The following RIMS3 variants were observed in gnomAD, a reference collection of about 807,000 sequenced individuals.
RIMS3 encodes the protein regulating synaptic membrane exocytosis 3.
RIMS3 carries 15 observed loss-of-function variants against 29.2 expected under a neutral mutation model. The ratio of observed to expected loss-of-function variants is 0.51; its 90% CI spans 0.34 to 0.79. RIMS3 has a LOEUF of 0.79. Among genes scored for constraint, RIMS3 ranks in the 30% least tolerant of loss-of-function variants. RIMS3 has a pLI of 0.01. For synonymous variants in RIMS3, 161 were observed against 170.1 expected, an observed-to-expected ratio of 0.95 and a Z score of 0.41; for missense variants, 342 against 421.4, an observed-to-expected ratio of 0.81 and a Z score of 1.65.
At chr1:40,685,312 AT>A in the RIMS3 span, among the ~76,000 whole-genome samples, 6 of 17,852 alleles carry the variant, frequency 3.4e-4, no homozygotes, top group Non-Finnish European at 7.3e-4. Context: ...ATATTAATAT[AT>A]ATAATTATTA....
At chr1:40,631,276 G>A (rs1269228976) in intron 5 of RIMS3, among the ~76,000 whole-genome samples, 3 of 152,178 alleles carry the variant, frequency 2.0e-5, no homozygotes, top group Admixed American at 6.5e-5. Flanking sequence ...CTCATGAAAT[G>A]GGCCAGACTG....
At chr1:40,668,989 G>A (rs1392761067), upstream of RIMS3, 1 of 152,244 alleles carries the variant, frequency 6.6e-6, no homozygotes, top group African/African-American at 2.4e-5. Context: ...GAAACCCCAG[G>A]CGGGCCATCT....
chr1:40,632,089 G>T (rs1210941788), intron 5 of RIMS3, among the ~76,000 whole-genome samples: 1 of 151,942 alleles, frequency 6.6e-6, no homozygotes, highest in Non-Finnish European at 1.5e-5. Context: ...TCACTATATT[G>T]CCTAGGCTGG....
chr1:40,688,022 T>C, the RIMS3 span, among the ~76,000 whole-genome samples: 1 of 152,152 alleles, frequency 6.6e-6, no homozygotes, highest in African/African-American at 2.4e-5. Context: ...TAGAGTGCAA[T>C]GGTGCGATCT....
rs1570169815 is a variant in RIMS3, at chr1:40,628,945, G to A, written c.579C>T (p.Thr193=). Residue 193 remains threonine, a synonymous_variant, in exon 7 of 8, where the codon ACC becomes ACT. Coordinates refer to ENST00000372684, the MANE Select transcript of RIMS3 (RefSeq NM_014747.3). The part of the protein sequence containing the change: ...PKPGSKSLPA[T]YIKVYLLENG... ...TCTCCAGCAGGTAAACCTTGATATA[G>A]GTGGCTAAGGGAGGAGAGAATGTAT... 6.2e-7 allele frequency: 1 copy of A among 1,613,110 alleles called. No individual in the cohort carries two copies. Among genetic ancestry groups the A allele is most frequent in the Non-Finnish European group, 8.5e-7 (1 of 1,180,000 alleles).
the RIMS3 span, chr1:40,691,376 C>G: frequency 5.1e-6 from 1 of 197,832 alleles, no homozygotes; most frequent in Non-Finnish European, 1.1e-5. Flanking sequence ...ACACACGCCC[C>G]TACTTAGTTC....
At chr1:40,681,683 C>T in the RIMS3 span, 1 of 152,144 alleles carries the variant, frequency 6.6e-6, no homozygotes, top group African/African-American at 2.4e-5. Flanking sequence ...ATATACAAAA[C>T]CTTACTCCCT....
intron 2 of RIMS3, among the ~76,000 whole-genome samples, chr1:40,645,127 C>CCCCATCAG (rs1646586110): frequency 6.6e-6 from 1 of 152,156 alleles, no homozygotes; most frequent in South Asian, 2.1e-4. Flanking sequence ...TTTCTCTATC[C>CCCCATCAG]CCCATCAACC....
chr1:40,655,531 G>A (rs1642262383), intron 1 of RIMS3, among the ~76,000 whole-genome samples: 1 of 152,240 alleles, frequency 6.6e-6, no homozygotes, highest in Non-Finnish European at 1.5e-5. Flanking sequence ...AGGGTTCAAG[G>A]TGAGCAGAAG....
At chr1:40,661,476 A>G (rs750829631) in intron 1 of RIMS3, among the ~76,000 whole-genome samples, 120 of 152,226 alleles carry the variant, frequency 7.9e-4, no homozygotes, top group Admixed American at 2.2e-3. Context: ...CAAAGTTACT[A>G]AAAATTTTAA....
chr1:40,622,682 C>A lies in RIMS3; in HGVS notation c.*3835G>T, dbSNP rs1470591635. On this transcript the variant is annotated 3_prime_UTR_variant, in exon 8 of 8. Transcript: ENST00000372684. ...GTGGAGGGCAACTCATCTACAACATCAAGCAAAGGCAGCAATTTCTTGCAG... is the reference window on the plus strand; with the variant it reads ...GTGGAGGGCAACTCATCTACAACATAAAGCAAAGGCAGCAATTTCTTGCAG... 6.5e-6 allele frequency: 1 copy of A among 152,708 alleles called. No individual in the cohort carries two copies. Among genetic ancestry groups the A allele is most frequent in the Non-Finnish European group, 1.5e-5 (1 of 68,092 alleles). The allele number at this position is 152,708 out of a possible 1,614,324, so 9.5% of individuals were successfully genotyped here. A position where few individuals can be genotyped will look rare whatever the true frequency, so the allele number is the denominator to read the frequency against.
At chr1:40,663,702 C>T (rs1642385127) in intron 1 of RIMS3, among the ~76,000 whole-genome samples, 1 of 152,140 alleles carries the variant, frequency 6.6e-6, no homozygotes, top group African/African-American at 2.4e-5. Flanking sequence ...CCAGAAGCGT[C>T]GTTGAGCAAG....
chr1:40,686,457 C>T, the RIMS3 span, among the ~76,000 whole-genome samples: 15 of 152,098 alleles, frequency 9.9e-5, no homozygotes, highest in Admixed American at 6.6e-4. Flanking sequence ...TCGAGACCTT[C>T]CTGGCTAACA....
At chr1:40,691,477 A>C in the RIMS3 span, 110 of 297,602 alleles carry the variant, frequency 3.7e-4, no homozygotes, top group Non-Finnish European at 6.2e-4. Context: ...AGGGTGGTGG[A>C]GGTCACTGGG....
At chr1:40,653,288 CCA>C (rs1257418666) in intron 1 of RIMS3, among the ~76,000 whole-genome samples, 3 of 152,086 alleles carry the variant, frequency 2.0e-5, no homozygotes, top group African/African-American at 7.2e-5. Context: ...GAGGTAGTAC[CCA>C]CAGTTAGAGG....
At position 40,628,855 on chromosome 1, in the gene RIMS3, C is replaced by A; in HGVS notation, c.669G>T (p.Gln223His). The change falls in exon 7 of 8, where the codon CAG becomes CAT. Residue 223 changes from glutamine (Q) to histidine (H), a missense_variant. Physicochemically the swap from Gln to His is conservative, Grantham distance 24. Transcript: ENST00000372684. ...MTKKTCDPLY[Q>H]QALLFDEGPQ... ...GTCCCTCGTCAAAGAGCAGAGCCTG[C>A]TGGTACAGGGGATCACAGGTCTTCT... is the stretch of plus-strand genomic sequence containing the variant. 6.2e-7 allele frequency: 1 copy of A among 1,614,164 alleles called. No individual in the cohort carries two copies. Among genetic ancestry groups the A allele is most frequent in the Non-Finnish European group, 8.5e-7 (1 of 1,180,046 alleles).
At position 40,641,767 on chromosome 1, in the gene RIMS3, C is replaced by G; in HGVS notation, c.159G>C (p.Met53Ile). 6.2e-7 allele frequency: 1 copy of G among 1,613,810 alleles called. No individual in the cohort carries two copies. Among genetic ancestry groups the G allele is most frequent in the Non-Finnish European group, 8.5e-7 (1 of 1,179,732 alleles). The change falls in exon 3 of 8, where the codon ATG becomes ATC. Residue 53 changes from methionine to isoleucine, a missense_variant. Transcript: ENST00000372684. The part of the protein sequence containing the change: ...KKRRSSLGAK[M>I]VAIVGLTQWS... ...ACTGAGTCAGGCCCACGATGGCCAC[C>G]ATCTTGGCACCCAGGCTGCTCCGCC...
chr1:40,640,629 T>C (rs1033432868), intron 3 of RIMS3, among the ~76,000 whole-genome samples: 1 of 152,084 alleles, frequency 6.6e-6, no homozygotes, highest in Non-Finnish European at 1.5e-5. Flanking sequence ...CAAAACCAGC[T>C]GGTGTCTGGG....
In RIMS3 at chr1:40,625,120, G is replaced by A. The variant is rs895164161; in HGVS notation, c.*1397C>T. Reference sequence around the variant, plus strand: ...GATTCCCACGGGACAGATTTCACAGGGTCCAGTTCAGGCACTGGTCTCCAC... The same window carrying A: ...GATTCCCACGGGACAGATTTCACAGAGTCCAGTTCAGGCACTGGTCTCCAC... On this transcript the variant is annotated 3_prime_UTR_variant, in exon 8 of 8. Transcript: ENST00000372684. 6.6e-6 allele frequency: 1 copy of A among 152,360 alleles called. No homozygotes were observed. Among genetic ancestry groups the A allele is most frequent in the Non-Finnish European group, 1.5e-5 (1 of 68,122 alleles). 9.4% of individuals were successfully genotyped at this position (152,360 alleles called of 1,614,324 possible). A position where few individuals can be genotyped will look rare whatever the true frequency, so the allele number is the denominator to read the frequency against.
Sources: allele counts gnomAD v4.1 joint callset (sites outside exome capture counted in the v4.1 genomes callset), GRCh38; gene constraint gnomAD v4.1.1; transcripts MANE v1.5; gene names NCBI Gene and HGNC (gene_info 2026-07-23, HGNC 2026-07-21).